The following CA1 variants were observed in gnomAD, a reference collection of about 807,000 sequenced individuals.
The protein encoded by CA1 is carbonic anhydrase 1, also known as carbonate dehydratase I.
In CA1, 27 loss-of-function variants were observed where a neutral mutation model predicts 28.8. The ratio of observed to expected loss-of-function variants is 0.94; its 90% CI spans 0.69 to 1.29. The LOEUF (loss-of-function observed/expected upper bound fraction) is 1.29, where lower values mean the gene tolerates loss of function less well. Ranked by LOEUF, CA1 falls within the 50% of genes most tolerant of loss-of-function variation. CA1 has a pLI of 0.00. For missense variants in CA1, 335 were observed against 310.5 expected, an observed-to-expected ratio of 1.08 and a Z score of -0.59; for synonymous variants, 121 against 108.8, an observed-to-expected ratio of 1.11 and a Z score of -0.70.
chr8:85,347,395 ACT>A (rs1424789804), intron 1 of CA1, among the ~76,000 whole-genome samples: 3 of 152,030 alleles, frequency 2.0e-5, no homozygotes, highest in Admixed American at 1.3e-4. Context: ...GAGTTAGATG[ACT>A]CCACCCTCAC....
chr8:85,375,940 A>AAGTT (rs1348453172), intron 1 of CA1, among the ~76,000 whole-genome samples: 1 of 152,266 alleles, frequency 6.6e-6, no homozygotes, highest in Non-Finnish European at 1.5e-5. Flanking sequence ...TGTAAAAAGC[A>AAGTT]AGTTGACTCC....
chr8:85,373,624 A>T (rs763055243), intron 1 of CA1, among the ~76,000 whole-genome samples: 79 of 152,098 alleles, frequency 5.2e-4, no homozygotes, highest in Non-Finnish European at 9.6e-4. Context: ...TTTATCATAG[A>T]TGTGTTTGTA....
At chr8:85,342,696 T>C (rs1808976529) in intron 1 of CA1, 1 of 152,228 alleles carries the variant, frequency 6.6e-6, no homozygotes, top group South Asian at 2.1e-4. Flanking sequence ...CAGTTCTACA[T>C]GTTCAAAGCT....
chr8:85,359,033 A>G (rs1809701463), intron 1 of CA1, among the ~76,000 whole-genome samples: 1 of 152,240 alleles, frequency 6.6e-6, no homozygotes, highest in Non-Finnish European at 1.5e-5. Context: ...GCCGAGGCAT[A>G]GTGAGCAGGT....
At chr8:85,354,052 C>A (rs1415846827) in intron 1 of CA1, among the ~76,000 whole-genome samples, 2 of 147,102 alleles carry the variant, frequency 1.4e-5, no homozygotes. Context: ...CAACCTCTGC[C>A]TCCTGGGTTC....
At chr8:85,343,615 A>G (rs1422162848) in intron 1 of CA1, among the ~76,000 whole-genome samples, 2 of 152,146 alleles carry the variant, frequency 1.3e-5, no homozygotes, top group Non-Finnish European at 1.5e-5. Flanking sequence ...TTTAGCTTGA[A>G]CTACTCTATT....
At chr8:85,373,783 T>G (rs1390942995) in intron 1 of CA1, among the ~76,000 whole-genome samples, 1 of 152,096 alleles carries the variant, frequency 6.6e-6, no homozygotes, top group African/African-American at 2.4e-5. Context: ...TGCTACAATA[T>G]GGAGGAAGAT....
intron 1 of CA1, among the ~76,000 whole-genome samples, chr8:85,363,556 C>T (rs1178864001): frequency 6.6e-6 from 1 of 152,182 alleles, no homozygotes; most frequent in Non-Finnish European, 1.5e-5. Flanking sequence ...GGTAAGGGTC[C>T]AGGCCCACCA....
intron 3 of CA1, among the ~76,000 whole-genome samples, chr8:85,337,576 T>TG (rs1412317415): frequency 6.6e-6 from 1 of 152,142 alleles, no homozygotes; most frequent in Admixed American, 6.5e-5. Flanking sequence ...AGTGGGGCAG[T>TG]GGGGCACTTA....
At chr8:85,373,002 T>C (rs1424868868) in intron 1 of CA1, among the ~76,000 whole-genome samples, 1 of 152,226 alleles carries the variant, frequency 6.6e-6, no homozygotes, top group Non-Finnish European at 1.5e-5. Context: ...CCATCAGTCC[T>C]TCCTTTAAGT....
intron 1 of CA1, among the ~76,000 whole-genome samples, chr8:85,359,276 C>G (rs1346386841): frequency 3.3e-5 from 5 of 152,072 alleles, no homozygotes; most frequent in Admixed American, 3.3e-4. Flanking sequence ...CAAGAAAGGC[C>G]GTAACTGGAA....
intron 1 of CA1, among the ~76,000 whole-genome samples, chr8:85,344,223 TATACAG>T (rs1809058196): frequency 1.7e-5 from 1 of 59,016 alleles, no homozygotes; most frequent in Non-Finnish European, 3.0e-5. Context: ...AATTATATTA[TATACAG>T]TATATAATAT....
intron 1 of CA1, among the ~76,000 whole-genome samples, chr8:85,344,296 TA>T (rs1184092340): frequency 1.8e-5 from 1 of 56,092 alleles, no homozygotes; most frequent in Non-Finnish European, 4.2e-5. Context: ...ATACAGTATA[TA>T]ATATAATTAT....
intron 1 of CA1, among the ~76,000 whole-genome samples, chr8:85,348,384 T>G (rs1043865869): frequency 4.6e-5 from 7 of 152,216 alleles, no homozygotes; most frequent in Non-Finnish European, 8.8e-5. Context: ...ACAGGTACAA[T>G]AACTAAATGC....
chr8:85,353,568 G>A (rs892388401), intron 1 of CA1, among the ~76,000 whole-genome samples: 3 of 151,700 alleles, frequency 2.0e-5, no homozygotes, highest in Non-Finnish European at 4.4e-5. Context: ...ATTAGAATTT[G>A]GCCCTATTAC....
intron 7 of CA1, among the ~76,000 whole-genome samples, chr8:85,329,255 C>T (rs1808297542): frequency 6.6e-6 from 1 of 152,108 alleles, no homozygotes; most frequent in Non-Finnish European, 1.5e-5. Flanking sequence ...CCATTATTAA[C>T]AACAGTTAAT....
chr8:85,339,621 T>C (rs1206577253), intron 2 of CA1, among the ~76,000 whole-genome samples: 1 of 152,176 alleles, frequency 6.6e-6, no homozygotes, highest in African/African-American at 2.4e-5. Context: ...TTAAGCTCAG[T>C]GAAGAAGGCA....
At position 85,331,459 on chromosome 8, in the gene CA1, A is replaced by G. The variant is rs184355982; in HGVS notation, c.513+1031T>C. Reference sequence around the variant, plus strand: ...TCATTTTTCTTTTCAAAATTTATTTATTTATTTATTTATTTAAGATGGAGT... The same window carrying G: ...TCATTTTTCTTTTCAAAATTTATTTGTTTATTTATTTATTTAAGATGGAGT... On this transcript the variant is annotated intron_variant, in intron 6 of 7. Transcript: ENST00000523022. Among the ~76,000 whole-genome samples, 229 of 151,278 alleles carry G rather than the reference A, an allele frequency of 1.5e-3. 1 individual carries two copies. Among genetic ancestry groups the G allele is most frequent in the Admixed American group, 5.6e-3 (85 of 15,182 alleles).
chr8:85,339,823 C>T (rs1808841946), intron 2 of CA1, among the ~76,000 whole-genome samples: 1 of 152,234 alleles, frequency 6.6e-6, no homozygotes, highest in Non-Finnish European at 1.5e-5. Context: ...CAAAAACCAA[C>T]AACCACATTC....
Sources: gnomAD v4.1 joint callset for allele counts (sites outside exome capture counted in the v4.1 genomes callset) on GRCh38, gnomAD v4.1.1 for gene constraint, MANE v1.5 for transcripts, NCBI Gene and HGNC (gene_info 2026-07-23, HGNC 2026-07-21) for gene names.